MACROD2: variants seen among roughly 807,000 people sequenced by gnomAD.
MACROD2 encodes the protein ADP-ribose glycohydrolase MACROD2.
MACROD2 carries 36 observed loss-of-function variants against 70.4 expected under a neutral mutation model. The observed-to-expected ratio is 0.51, with a 90% CI of 0.39 to 0.68. The LOEUF (loss-of-function observed/expected upper bound fraction) is 0.68. MACROD2 is among the 30% of genes least tolerant of loss of function. MACROD2 has a pLI of 0.00. For missense variants in MACROD2, 496 were observed against 538.4 expected (o/e 0.92, Z 0.78); for synonymous variants, 172 against 178.8 (o/e 0.96, Z 0.30).
rs564758495 is a variant in MACROD2, at chr20:15,892,071, C to T, written c.775+6260C>T. Reference sequence around the variant, plus strand: ...ACCAGGTGCCTAGAAAGTAAATGCCCTGAGCTCCCCACTGGCTACATGAAC... The same window carrying T: ...ACCAGGTGCCTAGAAAGTAAATGCCTTGAGCTCCCCACTGGCTACATGAAC... On this transcript the variant is annotated intron_variant, in intron 10 of 17. Coordinates refer to ENST00000684519, the MANE Select transcript of MACROD2 (RefSeq NM_001351661.2). Among the ~76,000 whole-genome samples, 24 of 152,260 alleles carry T rather than the reference C, an allele frequency of 1.6e-4. No individual in the cohort carries two copies. In the South Asian group the frequency reaches 4.8e-3, roughly 30 times the overall value.
intron 8 of MACROD2, among the ~76,000 whole-genome samples, chr20:15,757,695 G>A (rs2051368089): frequency 6.6e-6 from 1 of 152,146 alleles, no homozygotes; most frequent in African/African-American, 2.4e-5. Flanking sequence ...TCGGTTCCTG[G>A]TGAGGACCCT....
chr20:14,501,456 T>A (rs557231675), intron 4 of MACROD2, among the ~76,000 whole-genome samples: 4 of 152,182 alleles, frequency 2.6e-5, no homozygotes, highest in African/African-American at 9.6e-5. Flanking sequence ...AGTGTTATCC[T>A]ACAATACGTT....
At chr20:15,402,216 T>C (rs1241317048) in intron 6 of MACROD2, among the ~76,000 whole-genome samples, 1 of 152,140 alleles carries the variant, frequency 6.6e-6, no homozygotes, top group Non-Finnish European at 1.5e-5. Flanking sequence ...GGTGGTCTTG[T>C]GCACACGGCA....
chr20:14,337,276 G>C (rs6042677), intron 3 of MACROD2: 11,246 of 253,362 alleles, frequency 0.044, 477 homozygotes, highest in African/African-American at 0.13. Flanking sequence ...CACATATATT[G>C]CTTGTTGTGG....
chr20:15,048,936 T>C (rs2075417486), intron 5 of MACROD2, among the ~76,000 whole-genome samples: 1 of 152,112 alleles, frequency 6.6e-6, no homozygotes, highest in Non-Finnish European at 1.5e-5. Context: ...TTCTCATTTT[T>C]TTTCTTTTTA....
intron 5 of MACROD2, among the ~76,000 whole-genome samples, chr20:14,722,674 A>G (rs2071483521): frequency 6.6e-6 from 1 of 152,264 alleles, no homozygotes; most frequent in Admixed American, 6.5e-5. Context: ...CTTCTCATCA[A>G]TCCTAAGTTT....
chr20:15,230,018 A>C lies in MACROD2; in HGVS notation c.497A>C (p.Lys166Thr). 13 of 1,613,780 alleles carry C rather than the reference A, an allele frequency of 8.1e-6. No homozygotes were observed. The highest frequency in any genetic ancestry group is 1.1e-5 in the Non-Finnish European group (13 of 1,179,790). ...AAGGAAGACCTTGCAAATTGCTATA[A>C]ATCATCTCTGAAGCTCGTGAAAGAA... ...SHKEDLANCY[K>T]SSLKLVKENN... Residue 166 changes from lysine (K) to threonine (T), a missense_variant, in exon 6 of 18, where the codon AAA becomes ACA. Transcript: ENST00000684519.
At chr20:15,099,752 C>T (rs925191042) in intron 5 of MACROD2, among the ~76,000 whole-genome samples, 11 of 152,048 alleles carry the variant, frequency 7.2e-5, no homozygotes, top group African/African-American at 2.7e-4. Context: ...ATGTTAAAGC[C>T]TACTGTGGTG....
At chr20:14,813,378 T>C (rs2072737629) in intron 5 of MACROD2, among the ~76,000 whole-genome samples, 1 of 140,128 alleles carries the variant, frequency 7.1e-6, no homozygotes, top group Non-Finnish European at 1.6e-5. Context: ...CAGGCCCCAG[T>C]GTATGTTGTT....
At chr20:15,139,935 A>C (rs2076179205) in intron 5 of MACROD2, among the ~76,000 whole-genome samples, 1 of 152,206 alleles carries the variant, frequency 6.6e-6, no homozygotes, top group African/African-American at 2.4e-5. Context: ...TGCAGTTCGC[A>C]ACTGAAAAAA....
At chr20:15,239,174 A>G (rs1315775086) in intron 6 of MACROD2, among the ~76,000 whole-genome samples, 1 of 147,888 alleles carries the variant, frequency 6.8e-6, no homozygotes, top group Non-Finnish European at 1.5e-5. Flanking sequence ...TTTTTCTTGC[A>G]AATGTTCAGA....
chr20:15,469,316 A>G (rs2046935055), intron 7 of MACROD2, among the ~76,000 whole-genome samples: 1 of 152,218 alleles, frequency 6.6e-6, no homozygotes, highest in African/African-American at 2.4e-5. Context: ...GGTAGAATTC[A>G]TTTGCAGGAA....
At chr20:14,077,100 A>ATAG (rs1385462929) in intron 2 of MACROD2, among the ~76,000 whole-genome samples, 1 of 152,206 alleles carries the variant, frequency 6.6e-6, no homozygotes, top group Non-Finnish European at 1.5e-5. Flanking sequence ...GTTTAATGTT[A>ATAG]TAGTATGTCT....
chr20:14,129,586 G>A (rs1260130241), intron 3 of MACROD2, among the ~76,000 whole-genome samples: 1 of 152,214 alleles, frequency 6.6e-6, no homozygotes, highest in East Asian at 1.9e-4. Flanking sequence ...TTTGAAAGAA[G>A]TTCTACTCTG....
intron 8 of MACROD2, among the ~76,000 whole-genome samples, chr20:15,512,936 T>C (rs969807134): frequency 6.6e-6 from 1 of 152,148 alleles, no homozygotes; most frequent in African/African-American, 2.4e-5. Context: ...ATGACCTGGG[T>C]GGGCTTCAGC....
At chr20:14,702,551 GTGTATATATATATACACATATA>G in intron 5 of MACROD2, among the ~76,000 whole-genome samples, 1 of 137,402 alleles carries the variant, frequency 7.3e-6, no homozygotes, top group African/African-American at 2.7e-5. Flanking sequence ...ATGTGTGTGT[GTGTATATATATATACACATATA>G]TGTGTATATA....
chr20:15,375,144 A>G (rs1402674496), intron 6 of MACROD2, among the ~76,000 whole-genome samples: 5 of 152,142 alleles, frequency 3.3e-5, no homozygotes, highest in Admixed American at 3.3e-4. Context: ...GATGCAACCA[A>G]ATTATTTAAC....
At chr20:14,375,570 A>G (rs949169630) in intron 3 of MACROD2, among the ~76,000 whole-genome samples, 1 of 152,134 alleles carries the variant, frequency 6.6e-6, no homozygotes, top group Non-Finnish European at 1.5e-5. Context: ...AATAGCAAAG[A>G]AGATGGGGGT....
intron 8 of MACROD2, among the ~76,000 whole-genome samples, chr20:15,858,717 G>A (rs2064386161): frequency 6.6e-6 from 1 of 152,214 alleles, no homozygotes; most frequent in African/African-American, 2.4e-5. Context: ...CTTTCAGTGA[G>A]GGTAGTTGGA....
Sources: gnomAD v4.1 joint callset for allele counts (sites outside exome capture counted in the v4.1 genomes callset) on GRCh38, gnomAD v4.1.1 for gene constraint, MANE v1.5 for transcripts, NCBI Gene and HGNC (gene_info 2026-07-23, HGNC 2026-07-21) for gene names.